FBRSL1: variants seen among roughly 807,000 people sequenced by gnomAD.
The protein encoded by FBRSL1 is fibrosin-1-like protein.
FBRSL1 carries 51 observed loss-of-function variants against 89.6 expected under a neutral mutation model. The observed-to-expected ratio is 0.57, with a 90% CI of 0.45 to 0.72. The LOEUF is 0.72. FBRSL1 is among the 30% of genes least tolerant of loss of function. The pLI is 0.00. For missense variants in FBRSL1, 1,618 were observed against 1,451.8 expected (o/e 1.11, Z -1.86); for synonymous variants, 779 against 681.1 (o/e 1.14, Z -2.24).
rs966470142 is a variant in FBRSL1, at chr12:132,551,313, A to G, written c.645+3281A>G. On this transcript the variant is annotated intron_variant, in intron 5 of 18. Transcript: ENST00000680143. ...GACCTCACTCAGACCTGGGAGGCCC[A>G]TTGCTCACATGGCCTGGCTGCTCCC... The G allele has an allele frequency of 1.4e-5, 6 of 438,198 alleles. No homozygotes were observed. The Admixed American group carries it at 1.4e-4, about 10-fold the overall frequency. The allele number at this position is 438,198 out of a possible 1,614,324, so 27.1% of individuals were successfully genotyped here. A position where few individuals can be genotyped will look rare whatever the true frequency, so the allele number is the denominator to read the frequency against.
intron 2 of FBRSL1, among the ~76,000 whole-genome samples, chr12:132,516,546 T>A (rs2034860807): frequency 6.6e-6 from 1 of 152,148 alleles, no homozygotes; most frequent in Non-Finnish European, 1.5e-5. Context: ...TTTTCTGTCT[T>A]CAGTGCCACC....
chr12:132,580,606 T>C (rs961932286), intron 15 of FBRSL1, among the ~76,000 whole-genome samples: 2 of 152,246 alleles, frequency 1.3e-5, no homozygotes, highest in African/African-American at 4.8e-5. Flanking sequence ...TGGGGCAGGC[T>C]GTCTTCCTCT....
At position 132,582,923 on chromosome 12, in the gene FBRSL1, G is replaced by T. The variant is rs115330683; in HGVS notation, c.2202-48G>T. On this transcript the variant is annotated intron_variant, in intron 18 of 18. Coordinates refer to ENST00000680143, the MANE Select transcript of FBRSL1 (RefSeq NM_001367871.1). ...GGAACATCCCGGGGCTGCGCCGCGC[G>T]GCAGGACGGAGGTCTCGGGAGTGAC... 2,753 of 1,331,204 alleles carry T rather than the reference G, an allele frequency of 2.1e-3. 55 individuals are homozygous for T. In the African/African-American group the frequency reaches 0.039, roughly 19 times the overall value. 82.5% of individuals were successfully genotyped at this position (1,331,204 alleles called of 1,614,324 possible). A position where few individuals can be genotyped will look rare whatever the true frequency, so the allele number is the denominator to read the frequency against.
At chr12:132,537,548 C>A (rs945516258) in intron 4 of FBRSL1, among the ~76,000 whole-genome samples, 7 of 152,182 alleles carry the variant, frequency 4.6e-5, no homozygotes, top group African/African-American at 1.4e-4. Flanking sequence ...CATTTTAAAG[C>A]ATTTAGACCC....
chr12:132,503,144 C>T (rs1157522732), intron 1 of FBRSL1, among the ~76,000 whole-genome samples: 2 of 149,450 alleles, frequency 1.3e-5, no homozygotes, highest in African/African-American at 2.5e-5. Context: ...GACCCTACCT[C>T]CTTGCCCCTA....
At chr12:132,570,965 T>A in intron 8 of FBRSL1, 103 bp from the exon 9 acceptor site, 1 of 794,284 alleles carries the variant, frequency 1.3e-6, no homozygotes, top group Non-Finnish European at 1.5e-6. Context: ...CGGCCCAGGC[T>A]GGGGACGGCC....
chr12:132,550,143 G>A (rs1041103121), intron 5 of FBRSL1, among the ~76,000 whole-genome samples: 4 of 148,746 alleles, frequency 2.7e-5, no homozygotes, highest in East Asian at 4.3e-4. Flanking sequence ...ATTCCGTGCC[G>A]TTGGGGCCGT....
chr12:132,525,952 C>T (rs970601189), intron 3 of FBRSL1, 129 bp downstream of exon 3: 52 of 724,936 alleles, frequency 7.2e-5, no homozygotes, highest in Non-Finnish European at 1.0e-4. Flanking sequence ...GCGTCCAGTC[C>T]GAGTCTGGGC....
intron 4 of FBRSL1, among the ~76,000 whole-genome samples, chr12:132,545,311 T>C (rs4883556): frequency 0.48 from 73,568 of 152,146 alleles, 18,474 homozygotes; most frequent in African/African-American, 0.6. Context: ...TCGGGCAGCT[T>C]CCGAGAGGTG....
chr12:132,563,248 C>CCCCACGCCTGGCCCCCACAGCCTGCAT (rs2039292921), intron 5 of FBRSL1, among the ~76,000 whole-genome samples: 1 of 58,706 alleles, frequency 1.7e-5, no homozygotes, highest in Admixed American at 1.6e-4. Flanking sequence ...ACAGCCTGCA[C>CCCCACGCCTGGCCCCCACAGCCTGCAT]CCCACGCCTG....
At chr12:132,577,600 C>A (rs11146948) in intron 15 of FBRSL1, among the ~76,000 whole-genome samples, 2 of 151,954 alleles carry the variant, frequency 1.3e-5, no homozygotes, top group Admixed American at 6.5e-5. Flanking sequence ...GAGGGCCTCC[C>A]TGCCCTCAGT....
intron 5 of FBRSL1, chr12:132,560,161 T>A (rs2038991734): frequency 6.6e-6 from 1 of 150,810 alleles, no homozygotes; most frequent in Non-Finnish European, 1.5e-5. Flanking sequence ...GGGCTCGCGC[T>A]CCACGCCCGC....
At chr12:132,527,925 A>C in intron 3 of FBRSL1, 28 bp from the exon 4 acceptor site, 3 of 1,550,652 alleles carry the variant, frequency 1.9e-6, no homozygotes, top group Non-Finnish European at 2.6e-6. Context: ...TGGCAGCCTC[A>C]CTGACTGTCC....
chr12:132,578,598 G>A (rs914866757), intron 15 of FBRSL1, among the ~76,000 whole-genome samples: 8 of 152,218 alleles, frequency 5.3e-5, no homozygotes, highest in African/African-American at 1.4e-4. Context: ...ACAGGCACAC[G>A]TACACACAGG....
chr12:132,527,699 C>T (rs1481318634), intron 3 of FBRSL1, among the ~76,000 whole-genome samples: 3 of 138,130 alleles, frequency 2.2e-5, no homozygotes, highest in Admixed American at 1.4e-4. Flanking sequence ...TTGTGGGCTG[C>T]GGGGCTGTGG....
chr12:132,581,902 G>A (rs1225220821), intron 17 of FBRSL1, 78 bp downstream of exon 17: 36 of 1,162,430 alleles, frequency 3.1e-5, no homozygotes, highest in Non-Finnish European at 3.9e-5. Context: ...CAGGAACCCC[G>A]ATGCCTGGCT....
intron 4 of FBRSL1, among the ~76,000 whole-genome samples, chr12:132,542,335 A>G (rs1259683189): frequency 6.6e-6 from 1 of 152,228 alleles, no homozygotes; most frequent in Non-Finnish European, 1.5e-5. Context: ...CGGTGTTCCC[A>G]GCAGCTCGGC....
chr12:132,577,905 A>C (rs1017189646), intron 15 of FBRSL1, among the ~76,000 whole-genome samples: 2 of 151,904 alleles, frequency 1.3e-5, no homozygotes, highest in Admixed American at 1.3e-4. Flanking sequence ...TTCTACACAT[A>C]CACAGTTACA....
At chr12:132,519,450 C>T (rs2035154393) in intron 2 of FBRSL1, among the ~76,000 whole-genome samples, 1 of 152,242 alleles carries the variant, frequency 6.6e-6, no homozygotes, top group Non-Finnish European at 1.5e-5. Context: ...CAGAGTTTCC[C>T]TCATTCTGGA....
Sources: allele counts gnomAD v4.1 joint callset (sites outside exome capture counted in the v4.1 genomes callset), GRCh38; gene constraint gnomAD v4.1.1; transcripts MANE v1.5; gene names NCBI Gene and HGNC (gene_info 2026-07-23, HGNC 2026-07-21).